ABCA13: variants seen among roughly 807,000 people sequenced by gnomAD.
ABCA13 encodes the protein ATP binding cassette subfamily A member 13.
ABCA13 carries 476 observed loss-of-function variants against 478.7 expected under a neutral mutation model. The observed-to-expected ratio is 0.99, with a 90% confidence interval of 0.92 to 1.07. The LOEUF is 1.07. Ranked by LOEUF, ABCA13 falls within the 50% of genes least tolerant of loss-of-function variation. ABCA13 has a pLI of 0.00. For synonymous variants in ABCA13, 2,252 were observed against 2,158.9 expected (o/e 1.04, Z -1.20); for missense variants, 6,060 against 5,910.6 (o/e 1.03, Z -0.83).
chr7:48,548,532 C>A (rs1785018851), intron 55 of ABCA13, among the ~76,000 whole-genome samples: 1 of 148,438 alleles, frequency 6.7e-6, no homozygotes, highest in Admixed American at 6.8e-5. Flanking sequence ...ATGATAAAAA[C>A]ACCAGCATGT....
chr7:48,192,187 GTTT>G (rs540585616), intron 1 of ABCA13, among the ~76,000 whole-genome samples: 39 of 146,276 alleles, frequency 2.7e-4, no homozygotes, highest in African/African-American at 9.7e-4. Flanking sequence ...TATAGGTGGT[GTTT>G]TTTTTTTTCC....
intron 58 of ABCA13, among the ~76,000 whole-genome samples, chr7:48,595,577 G>T (rs771589735): frequency 6.6e-6 from 1 of 152,132 alleles, no homozygotes; most frequent in African/African-American, 2.4e-5. Flanking sequence ...GAGACTTCTG[G>T]GTCGGAGATG....
At chr7:48,413,636 TC>T in intron 41 of ABCA13, among the ~76,000 whole-genome samples, 1 of 152,326 alleles carries the variant, frequency 6.6e-6, no homozygotes, top group East Asian at 1.9e-4. Flanking sequence ...GTCTGAACAT[TC>T]AGTTGTGTTT....
At chr7:48,492,297 C>T (rs1240632587) in intron 48 of ABCA13, among the ~76,000 whole-genome samples, 1 of 152,170 alleles carries the variant, frequency 6.6e-6, no homozygotes, top group Non-Finnish European at 1.5e-5. Flanking sequence ...CTGTCTTCTC[C>T]TGCATCACCT....
intron 55 of ABCA13, among the ~76,000 whole-genome samples, chr7:48,562,729 G>T (rs550738559): frequency 6.6e-6 from 1 of 152,168 alleles, no homozygotes; most frequent in African/African-American, 2.4e-5. Context: ...TTATTTTTTG[G>T]TGTTTGTTAC....
intron 55 of ABCA13, among the ~76,000 whole-genome samples, chr7:48,577,298 A>G (rs1164190365): frequency 6.6e-6 from 1 of 152,114 alleles, no homozygotes; most frequent in Non-Finnish European, 1.5e-5. Context: ...AAAAGCTGAA[A>G]TCAATGAATT....
At chr7:48,631,729 A>G (rs779158642) in intron 59 of ABCA13, among the ~76,000 whole-genome samples, 3 of 151,778 alleles carry the variant, frequency 2.0e-5, no homozygotes, top group Non-Finnish European at 4.4e-5. Context: ...TTTTGATAGG[A>G]ATTACATTGA....
At position 48,295,779 on chromosome 7, in the gene ABCA13, G is replaced by A. The variant is rs771181380; in HGVS notation, c.9035G>A (p.Ser3012Asn). The A allele has an allele frequency of 1.4e-4, 220 of 1,613,918 alleles. No individual in the cohort carries two copies. The highest frequency in any genetic ancestry group is 1.8e-4 in the Non-Finnish European group (211 of 1,179,906). ...AAGAATCTTTCTAGCACCTTGGAGAGCTTCAAGAGCAGCTTGGAAAATGCC... is the reference window on the plus strand; with the variant it reads ...AAGAATCTTTCTAGCACCTTGGAGAACTTCAAGAGCAGCTTGGAAAATGCC... Reference protein sequence around the residue: ...LSKNLSSTLESFKSSLENATG... With the variant: ...LSKNLSSTLENFKSSLENATG... Residue 3012 changes from serine to asparagine, a missense_variant, in exon 21 of 62, where the codon AGC (serine) becomes AAC (asparagine). By Grantham distance (46) the Ser-to-Asn change is conservative (BLOSUM62 1). Around this residue, in one of 3 missense-constraint regions of ABCA13, gnomAD observed 4,423 missense variants for 4,309.1 expected, o/e 1.03. Coordinates refer to ENST00000435803, the MANE Select transcript of ABCA13 (RefSeq NM_152701.5).
chr7:48,346,791 T>C (rs1288527063), intron 29 of ABCA13, among the ~76,000 whole-genome samples: 2 of 152,204 alleles, frequency 1.3e-5, no homozygotes, highest in Admixed American at 1.3e-4. Context: ...TAAATAACTA[T>C]CTAATGTGAA....
intron 3 of ABCA13, among the ~76,000 whole-genome samples, chr7:48,211,546 A>G (rs554715346): frequency 6.6e-6 from 1 of 152,142 alleles, no homozygotes; most frequent in African/African-American, 2.4e-5. Context: ...CCATGGTACC[A>G]TGTTGGGTCA....
rs561469514 is a variant in ABCA13, at chr7:48,387,273, G to A, written c.11336-549G>A. ...CTTTTCATTTCAACATGTAATGAGGGCAAAGTGACTGTTAAATGGGCTGAA... is the reference window on the plus strand; with the variant it reads ...CTTTTCATTTCAACATGTAATGAGGACAAAGTGACTGTTAAATGGGCTGAA... On this transcript the variant is annotated intron_variant, in intron 35 of 61. Coordinates refer to ENST00000435803, the MANE Select transcript of ABCA13 (RefSeq NM_152701.5). Among the ~76,000 whole-genome samples, 6 of 152,118 alleles carry A rather than the reference G, an allele frequency of 3.9e-5. No homozygotes were observed. The South Asian group carries it at 1.3e-3, about 32-fold the overall frequency.
chr7:48,194,888 C>A (rs556044033), intron 2 of ABCA13, among the ~76,000 whole-genome samples: 1 of 151,994 alleles, frequency 6.6e-6, no homozygotes, highest in Non-Finnish European at 1.5e-5. Context: ...GTATTGAGTG[C>A]CTTTTGTGTT....
chr7:48,291,874 G>A (rs993020255), intron 20 of ABCA13, among the ~76,000 whole-genome samples: 9 of 151,984 alleles, frequency 5.9e-5, no homozygotes, highest in South Asian at 4.2e-4. Flanking sequence ...ACTCAGCCAC[G>A]CCCATCCCCA....
intron 33 of ABCA13, among the ~76,000 whole-genome samples, chr7:48,373,686 A>G (rs1813010815): frequency 6.6e-6 from 1 of 152,226 alleles, no homozygotes. Context: ...ACATAGAAAA[A>G]GAGTCATCCA....
At chr7:48,505,559 G>A (rs1831129684) in intron 48 of ABCA13, among the ~76,000 whole-genome samples, 1 of 152,146 alleles carries the variant, frequency 6.6e-6, no homozygotes, top group East Asian at 1.9e-4. Flanking sequence ...TTGTGCCTTT[G>A]GTAATGGCCT....
At chr7:48,248,502 C>T (rs1286952242) in intron 14 of ABCA13, 58 bp downstream of exon 14, 2 of 1,331,422 alleles carry the variant, frequency 1.5e-6, no homozygotes, top group Non-Finnish European at 2.0e-6. Context: ...ATGATTTCAA[C>T]TGCCCCTTCT....
At chr7:48,634,644 C>G (rs997641209) in intron 59 of ABCA13, among the ~76,000 whole-genome samples, 7 of 151,990 alleles carry the variant, frequency 4.6e-5, no homozygotes, top group Admixed American at 4.6e-4. Flanking sequence ...AATGTCCACT[C>G]CAACTTTATT....
At chr7:48,466,928 G>A in intron 43 of ABCA13, 28 bp from the exon 44 acceptor site, 1 of 1,611,590 alleles carries the variant, frequency 6.2e-7, no homozygotes, top group South Asian at 1.1e-5. Flanking sequence ...ATCCCACTTT[G>A]TTTCCTTTGT....
chr7:48,456,893 A>G (rs1418355708), intron 43 of ABCA13, among the ~76,000 whole-genome samples: 1 of 152,108 alleles, frequency 6.6e-6, no homozygotes, highest in African/African-American at 2.4e-5. Context: ...TCTTACCATC[A>G]GACATTTCTA....
Sources: gnomAD v4.1 joint callset for allele counts (sites outside exome capture counted in the v4.1 genomes callset) on GRCh38, gnomAD v4.1.1 for gene constraint, gnomAD v4.1.1 regional missense constraint, MANE v1.5 for transcripts, NCBI Gene and HGNC (gene_info 2026-07-23, HGNC 2026-07-21) for gene names.